The following PDE1A variants were observed in gnomAD, a reference collection of about 807,000 sequenced individuals.
PDE1A encodes phosphodiesterase 1A, also known as dual specificity calcium/calmodulin-dependent 3',5'-cyclic nucleotide phosphodiesterase 1A.
PDE1A carries 35 observed loss-of-function variants against 61.7 expected under a neutral mutation model. That is an observed-to-expected ratio of 0.57 (90% CI 0.43 to 0.75). PDE1A has a LOEUF of 0.75. Among genes scored for constraint, PDE1A ranks in the 30% least tolerant of loss-of-function variants. The pLI, the probability that PDE1A is intolerant of heterozygous loss-of-function variation, is 0.00. For synonymous variants in PDE1A, 232 were observed against 213.2 expected, an observed-to-expected ratio of 1.09 and a Z score of -0.77; for missense variants, 597 against 630.6, an observed-to-expected ratio of 0.95 and a Z score of 0.57.
chr2:182,221,267 A>G (rs766296643), intron 7 of PDE1A, among the ~76,000 whole-genome samples: 47 of 151,992 alleles, frequency 3.1e-4, no homozygotes, highest in Admixed American at 9.8e-4. Context: ...TTTACTTTTC[A>G]AAGTCGAAAG....
At chr2:182,693,929 G>A in the PDE1A span, among the ~76,000 whole-genome samples, 1 of 152,188 alleles carries the variant, frequency 6.6e-6, no homozygotes, top group Non-Finnish European at 1.5e-5. Context: ...TTACAGGCAT[G>A]AGCCACTGCA....
the PDE1A span, among the ~76,000 whole-genome samples, chr2:182,624,459 A>C: frequency 6.6e-6 from 1 of 152,170 alleles, no homozygotes; most frequent in African/African-American, 2.4e-5. Context: ...TGTATATGGT[A>C]AGTCTTTACA....
the PDE1A span, among the ~76,000 whole-genome samples, chr2:182,699,727 G>C: frequency 6.6e-6 from 1 of 152,130 alleles, no homozygotes; most frequent in South Asian, 2.1e-4. Flanking sequence ...TTGTTTATTT[G>C]TTTTTCTTTG....
intron 13 of PDE1A, among the ~76,000 whole-genome samples, chr2:182,173,594 A>G (rs947849722): frequency 6.6e-6 from 1 of 151,684 alleles, no homozygotes; most frequent in African/African-American, 2.4e-5. Context: ...TAAAATATAT[A>G]AAATTACTAA....
the PDE1A span, among the ~76,000 whole-genome samples, chr2:182,575,818 G>C: frequency 6.9e-6 from 1 of 144,660 alleles, no homozygotes; most frequent in Non-Finnish European, 1.5e-5. Flanking sequence ...TAATTACTTA[G>C]TCTTTGCTCC....
chr2:182,349,530 G>A lies in PDE1A; in HGVS notation c.53+77048C>T, dbSNP rs114179655. Among the ~76,000 whole-genome samples the A allele has an allele frequency of 2.9e-3, 446 of 152,304 alleles. 1 individual carries two copies. Among genetic ancestry groups the A allele is most frequent in the South Asian group, 0.023 (110 of 4,824 alleles). On this transcript the variant is annotated intron_variant, in intron 1 of 13. Transcript: ENST00000351439. The stretch of plus-strand genomic sequence containing the variant: ...TAGTGTTTATGACACTGAAAGGCAC[G>A]TGAAATTTCTGTAAACCATCAATCT...
At chr2:182,351,673 C>T (rs186834504) in intron 1 of PDE1A, among the ~76,000 whole-genome samples, 9 of 152,208 alleles carry the variant, frequency 5.9e-5, no homozygotes, top group East Asian at 3.9e-4. Context: ...GGCACTTTAC[C>T]GTGACATTTG....
intron 7 of PDE1A, among the ~76,000 whole-genome samples, chr2:182,208,539 A>G (rs1012360015): frequency 3.9e-5 from 6 of 152,196 alleles, no homozygotes; most frequent in African/African-American, 1.4e-4. Context: ...GAGCCAAACC[A>G]TATCAGCCAC....
chr2:182,466,575 G>C (rs368744925), intron 2 of PDE1A, among the ~76,000 whole-genome samples: 1 of 152,080 alleles, frequency 6.6e-6, no homozygotes, highest in African/African-American at 2.4e-5. Context: ...AGGTGAGGAT[G>C]GAAACAGTGA....
the PDE1A span, among the ~76,000 whole-genome samples, chr2:182,610,327 C>A: frequency 0.07 from 10,639 of 152,206 alleles, 397 homozygotes; most frequent in African/African-American, 0.086. Flanking sequence ...AATTCGTATG[C>A]CTTTTCTCCA....
chr2:182,660,694 C>G, the PDE1A span, among the ~76,000 whole-genome samples: 5 of 152,162 alleles, frequency 3.3e-5, no homozygotes, highest in African/African-American at 1.2e-4. Flanking sequence ...TAGAGAGGTG[C>G]CCAGACAACA....
chr2:182,455,013 A>C (rs1177315897), intron 2 of PDE1A, among the ~76,000 whole-genome samples: 1 of 152,018 alleles, frequency 6.6e-6, no homozygotes, highest in Non-Finnish European at 1.5e-5. Context: ...CTCATCTGAC[A>C]AAGGGCTAAT....
rs73975017 is a variant in PDE1A at position 182,413,125 on chromosome 2, G to A, written c.53+13453C>T. Among the ~76,000 whole-genome samples, 592 of 152,280 alleles carry A rather than the reference G, an allele frequency of 3.9e-3. 4 individuals carry two copies. Among genetic ancestry groups the A allele is most frequent in the African/African-American group, 0.013 (547 of 41,550 alleles). On this transcript the variant is annotated intron_variant, in intron 1 of 13. Transcript: ENST00000351439. ...GAGCAATAAGTCACCCAGAATGACCGTAGCATAAGAGTTGTGAAAGGAGGA... is the reference window on the plus strand; with the variant it reads ...GAGCAATAAGTCACCCAGAATGACCATAGCATAAGAGTTGTGAAAGGAGGA...
At position 182,301,304 on chromosome 2, in the gene PDE1A, C is replaced by T. The variant is rs138405346; in HGVS notation, c.54-36890G>A. 2.6e-3 allele frequency among the ~76,000 whole-genome samples: 396 copies of T among 152,284 alleles called. 3 individuals carry two copies. The highest frequency in any genetic ancestry group is 9.1e-3 in the African/African-American group (378 of 41,552). On this transcript the variant is annotated intron_variant, in intron 1 of 13. Transcript: ENST00000351439. The stretch of plus-strand genomic sequence containing the variant: ...CCAGTCTGTGGATGGCACTGTTACT[C>T]TGTGAGATTTGGATATTATCCTTTA...
the PDE1A span, among the ~76,000 whole-genome samples, chr2:182,586,930 T>C: frequency 6.6e-6 from 1 of 152,092 alleles, no homozygotes; most frequent in South Asian, 2.1e-4. Flanking sequence ...TATAATTTAG[T>C]ATATGAAGAG....
intron 13 of PDE1A, among the ~76,000 whole-genome samples, chr2:182,181,541 C>T (rs894817864): frequency 5.3e-5 from 8 of 152,300 alleles, no homozygotes; most frequent in Admixed American, 4.6e-4. Flanking sequence ...AAGTCAGGAA[C>T]CTGCTTGAGG....
intron 1 of PDE1A, among the ~76,000 whole-genome samples, chr2:182,329,903 G>A (rs1328995775): frequency 1.3e-5 from 2 of 152,086 alleles, no homozygotes; most frequent in African/African-American, 4.8e-5. Flanking sequence ...TTTCTGTTTT[G>A]TTTTTGCTCG....
chr2:182,653,491 T>A, the PDE1A span, among the ~76,000 whole-genome samples: 1 of 152,214 alleles, frequency 6.6e-6, no homozygotes. Flanking sequence ...TCTATGAAAT[T>A]AGGCTCTTGA....
intron 2 of PDE1A, among the ~76,000 whole-genome samples, chr2:182,490,142 G>A (rs1237728840): frequency 1.3e-5 from 2 of 152,158 alleles, no homozygotes; most frequent in African/African-American, 2.4e-5. Flanking sequence ...AGATAAAGAT[G>A]GAGAAGCGAA....
Sources: gnomAD v4.1 joint callset for allele counts (sites outside exome capture counted in the v4.1 genomes callset) on GRCh38, gnomAD v4.1.1 for gene constraint, MANE v1.5 for transcripts, NCBI Gene and HGNC (gene_info 2026-07-23, HGNC 2026-07-21) for gene names.